PLEKHG1: variants seen among roughly 807,000 people sequenced by gnomAD.
PLEKHG1 encodes the protein pleckstrin homology domain-containing family G member 1.
In PLEKHG1, 44 loss-of-function variants were observed where a neutral mutation model predicts 100.8. The ratio of observed to expected loss-of-function variants is 0.44; its 90% confidence interval spans 0.34 to 0.56. The LOEUF is 0.56. PLEKHG1 is among the 20% of genes least tolerant of loss of function. PLEKHG1 has a pLI of 0.01. For synonymous variants in PLEKHG1, 640 were observed against 662.5 expected (o/e 0.97, Z 0.52); for missense variants, 1,545 against 1,720.9 (o/e 0.90, Z 1.81).
intron 15 of PLEKHG1, among the ~76,000 whole-genome samples, chr6:150,838,758 G>GT (rs1218460521): frequency 7.2e-5 from 11 of 152,000 alleles, no homozygotes; most frequent in Admixed American, 6.6e-4. Context: ...TTTTGTGGAA[G>GT]TAACTGTTAG....
rs114199322 is a variant in PLEKHG1, at chr6:150,758,910, T to G, written c.412-9728T>G. Among the ~76,000 whole-genome samples, 771 of 152,328 alleles carry G rather than the reference T, an allele frequency of 5.1e-3. 6 individuals are homozygous for G. The highest frequency in any genetic ancestry group is 0.018 in the African/African-American group (741 of 41,578). ...AGAATGATTCCTAATTCTCTAGAGC[T>G]AAAACACCCTGCTTTCCAGGCTCCC... is the stretch of plus-strand genomic sequence containing the variant. On this transcript the variant is annotated intron_variant, in intron 2 of 15. Transcript: ENST00000358517.
chr6:150,626,731 G>A (rs538238118), intron 1 of PLEKHG1, among the ~76,000 whole-genome samples: 28 of 152,268 alleles, frequency 1.8e-4, no homozygotes, highest in African/African-American at 5.8e-4. Flanking sequence ...CAAGCCCATC[G>A]TTTGAGATTC....
intron 1 of PLEKHG1, among the ~76,000 whole-genome samples, chr6:150,601,627 A>T (rs2128548691): frequency 6.6e-6 from 1 of 152,300 alleles, no homozygotes. Context: ...CTGACTAAAG[A>T]AACTTTTTTC....
Position 150,769,584 on chromosome 6 carries a change from C to CAAA in PLEKHG1, c.512+863_512+865dup, listed in dbSNP as rs5880898. On this transcript the variant is annotated intron_variant, in intron 3 of 15. Coordinates refer to ENST00000358517, the Ensembl canonical transcript of PLEKHG1. ...AGGGTGACAGAGCAAGACTCCATCT[C>CAAA]AAAAAAAAAAAAAAAAAAAGAAAGA... 1.2e-3 allele frequency among the ~76,000 whole-genome samples: 75 copies of CAAA among 64,284 alleles called. 1 individual carries two copies. Among genetic ancestry groups the CAAA allele is most frequent in the African/African-American group, 3.5e-3 (69 of 19,530 alleles). The allele number at this position is 64,284 out of a possible 152,430, so 42.2% of individuals were successfully genotyped here. A position where few individuals can be genotyped will look rare whatever the true frequency, so the allele number is the denominator to read the frequency against.
chr6:150,715,192 T>TA (rs970870145), intron 3 of PLEKHG1, among the ~76,000 whole-genome samples: 2 of 151,910 alleles, frequency 1.3e-5, no homozygotes, highest in African/African-American at 4.8e-5. Flanking sequence ...TAATTTTTTT[T>TA]AAAAAAAGAA....
chr6:150,643,010 TAG>T (rs1778334751), intron 2 of PLEKHG1, among the ~76,000 whole-genome samples: 1 of 152,092 alleles, frequency 6.6e-6, no homozygotes, highest in South Asian at 2.1e-4. Flanking sequence ...TTAAGGAAAA[TAG>T]TGACGGAATC....
At chr6:150,835,366 C>T (rs1398390246) in intron 15 of PLEKHG1, among the ~76,000 whole-genome samples, 1 of 152,072 alleles carries the variant, frequency 6.6e-6, no homozygotes, top group Non-Finnish European at 1.5e-5. Flanking sequence ...AGGGAAGGCA[C>T]AATTTTATGC....
chr6:150,622,987 G>A (rs1777366930), intron 1 of PLEKHG1, among the ~76,000 whole-genome samples: 1 of 151,600 alleles, frequency 6.6e-6, no homozygotes, highest in African/African-American at 2.4e-5. Context: ...ACTTCCTTTT[G>A]TGTCCAATAG....
intron 14 of PLEKHG1, among the ~76,000 whole-genome samples, chr6:150,830,106 G>C (rs1368624386): frequency 1.3e-5 from 2 of 152,140 alleles, no homozygotes; most frequent in South Asian, 2.1e-4. Flanking sequence ...GGTTAGACCT[G>C]GGTTCTAGCA....
chr6:150,699,083 T>C (rs1780663608), intron 3 of PLEKHG1, among the ~76,000 whole-genome samples: 1 of 152,220 alleles, frequency 6.6e-6, no homozygotes, highest in African/African-American at 2.4e-5. Context: ...TGGTGAAATC[T>C]GAATGTACCC....
chr6:150,787,466 T>G (rs1464404416), intron 4 of PLEKHG1, among the ~76,000 whole-genome samples: 1 of 152,268 alleles, frequency 6.6e-6, no homozygotes, highest in East Asian at 1.9e-4. Flanking sequence ...CTCTTAAACA[T>G]TCAACCGCTT....
At chr6:150,603,162 T>C (rs1422764708) in intron 1 of PLEKHG1, among the ~76,000 whole-genome samples, 1 of 151,394 alleles carries the variant, frequency 6.6e-6, no homozygotes, top group East Asian at 1.9e-4. Flanking sequence ...TGGTTTCTAA[T>C]GCGAAATGTT....
At chr6:150,715,085 C>T (rs1781374484) in intron 3 of PLEKHG1, among the ~76,000 whole-genome samples, 1 of 152,116 alleles carries the variant, frequency 6.6e-6, no homozygotes, top group Non-Finnish European at 1.5e-5. Flanking sequence ...AGGCATGAGC[C>T]ACCATGCCTG....
intron 2 of PLEKHG1, chr6:150,638,253 C>T (rs137858847): frequency 1.0e-4 from 16 of 152,416 alleles, no homozygotes; most frequent in Admixed American, 3.3e-4. Context: ...GCCGCAGCTC[C>T]GGCTAAGTTA....
At chr6:150,832,203 T>C (rs1776984203) in exon 15 of PLEKHG1, 2 of 1,586,040 alleles carry the variant, frequency 1.3e-6, no homozygotes, top group Non-Finnish European at 1.7e-6. Flanking sequence ...GGGCCCGCCA[T>C]TGGTATGTGC....
At chr6:150,669,787 AG>A (rs1779524397) in intron 3 of PLEKHG1, among the ~76,000 whole-genome samples, 1 of 151,952 alleles carries the variant, frequency 6.6e-6, no homozygotes, top group South Asian at 2.1e-4. Context: ...TAGTAGAGAC[AG>A]GGTTTCACTA....
At chr6:150,750,482 A>C (rs529700262) in intron 2 of PLEKHG1, among the ~76,000 whole-genome samples, 1 of 152,210 alleles carries the variant, frequency 6.6e-6, no homozygotes, top group South Asian at 2.1e-4. Context: ...ATGTTTTTTT[A>C]ATAAAGCAAA....
intron 1 of PLEKHG1, among the ~76,000 whole-genome samples, chr6:150,629,127 G>A (rs1777636951): frequency 6.6e-6 from 1 of 152,212 alleles, no homozygotes; most frequent in Admixed American, 6.5e-5. Flanking sequence ...CACAGGTGGT[G>A]TGTACTTTGG....
intron 10 of PLEKHG1, among the ~76,000 whole-genome samples, chr6:150,813,879 G>C (rs1377587094): frequency 2.0e-5 from 3 of 152,188 alleles, no homozygotes; most frequent in African/African-American, 7.2e-5. Flanking sequence ...AACAGTCCAA[G>C]TTGGGGCTGG....
Sources: gnomAD v4.1 joint callset for allele counts (sites outside exome capture counted in the v4.1 genomes callset) on GRCh38, gnomAD v4.1.1 for gene constraint, MANE v1.5 for transcripts, NCBI Gene and HGNC (gene_info 2026-07-23, HGNC 2026-07-21) for gene names.